SLC12A2: variants seen among roughly 807,000 people sequenced by gnomAD.
SLC12A2 encodes the protein Na-K-2Cl cotransporter 1.
A neutral mutation model predicts 136.3 loss-of-function variants in SLC12A2; 67 were observed. The observed-to-expected ratio is 0.49, with a 90% confidence interval of 0.40 to 0.60. The LOEUF is 0.60. SLC12A2 is among the 20% of genes least tolerant of loss of function. The pLI, the probability that SLC12A2 is intolerant of heterozygous loss-of-function variation, is 0.00. For missense variants in SLC12A2, 1,322 were observed against 1,534.7 expected (o/e 0.86, Z 2.32); for synonymous variants, 619 against 562.9 (o/e 1.10, Z -1.41).
chr5:128,109,236 G>T (rs1456162986), intron 1 of SLC12A2, among the ~76,000 whole-genome samples: 1 of 152,242 alleles, frequency 6.6e-6, no homozygotes, highest in Non-Finnish European at 1.5e-5. Context: ...AAGAGGAGCA[G>T]CGCAGTTCTT....
chr5:128,085,346 TAAAA>T (rs200675736), intron 1 of SLC12A2, among the ~76,000 whole-genome samples: 1 of 150,174 alleles, frequency 6.7e-6, no homozygotes, highest in Admixed American at 6.6e-5. Context: ...GGTGTATATT[TAAAA>T]AAAAAGGGAC....
At chr5:128,141,397 G>A (rs1030894889) in intron 9 of SLC12A2, among the ~76,000 whole-genome samples, 1 of 152,108 alleles carries the variant, frequency 6.6e-6, no homozygotes, top group Non-Finnish European at 1.5e-5. Flanking sequence ...CCTCACAGAA[G>A]AGTGGTATTA....
chr5:128,141,587 T>A (rs6860829), intron 9 of SLC12A2, among the ~76,000 whole-genome samples: 5,487 of 152,292 alleles, frequency 0.036, 353 homozygotes, highest in African/African-American at 0.13. Context: ...ACATGGTTTT[T>A]AAGTGTTTAT....
At chr5:128,142,460 A>G (rs1323884220) in intron 10 of SLC12A2, among the ~76,000 whole-genome samples, 1 of 152,124 alleles carries the variant, frequency 6.6e-6, no homozygotes. Flanking sequence ...CTAAAATATG[A>G]ATGGATAAAA....
intron 22 of SLC12A2, among the ~76,000 whole-genome samples, chr5:128,180,095 G>A (rs997595578): frequency 6.7e-6 from 1 of 149,742 alleles, no homozygotes; most frequent in Non-Finnish European, 1.5e-5. Flanking sequence ...TCAGCCTCCC[G>A]AGTAGCTGGG....
intron 1 of SLC12A2, among the ~76,000 whole-genome samples, chr5:128,099,782 C>A (rs1433809208): frequency 6.6e-6 from 1 of 152,126 alleles, no homozygotes; most frequent in African/African-American, 2.4e-5. Context: ...AAGATCATAT[C>A]ACTTTCACCC....
chr5:128,108,303 G>A (rs959407355), intron 1 of SLC12A2, among the ~76,000 whole-genome samples: 2 of 152,112 alleles, frequency 1.3e-5, no homozygotes, highest in Non-Finnish European at 2.9e-5. Context: ...TCCACTCATA[G>A]GTGTATCCTC....
intron 20 of SLC12A2, among the ~76,000 whole-genome samples, chr5:128,175,107 G>C (rs1476946578): frequency 6.6e-6 from 1 of 151,970 alleles, no homozygotes; most frequent in African/African-American, 2.4e-5. Context: ...TCCTACCTCT[G>C]TTCAGTCTAG....
intron 1 of SLC12A2, among the ~76,000 whole-genome samples, chr5:128,085,487 A>C (rs935438247): frequency 1.3e-5 from 2 of 152,186 alleles, no homozygotes; most frequent in African/African-American, 4.8e-5. Flanking sequence ...CATCCCCATA[A>C]ACTCATTGAT....
At chr5:128,114,420 T>G in intron 3 of SLC12A2, 133 bp downstream of exon 3, 1 of 823,108 alleles carries the variant, frequency 1.2e-6, no homozygotes, top group Non-Finnish European at 2.0e-6. Flanking sequence ...GTTATCTTGA[T>G]GTTCCTTTTT....
intron 1 of SLC12A2, among the ~76,000 whole-genome samples, chr5:128,093,848 A>G (rs1358679759): frequency 6.6e-6 from 1 of 152,078 alleles, no homozygotes; most frequent in Non-Finnish European, 1.5e-5. Context: ...TTGTGCCCAA[A>G]ACAAAACTGA....
At chr5:128,140,927 C>T (rs888295685) in intron 9 of SLC12A2, among the ~76,000 whole-genome samples, 2 of 150,128 alleles carry the variant, frequency 1.3e-5, no homozygotes, top group African/African-American at 2.5e-5. Flanking sequence ...AATATCCTCC[C>T]TTCTCATACT....
intron 15 of SLC12A2, among the ~76,000 whole-genome samples, chr5:128,154,911 G>A (rs144875770): frequency 4.6e-5 from 7 of 151,290 alleles, no homozygotes; most frequent in East Asian, 3.9e-4. Context: ...TAACCTTTGC[G>A]TAAAATTTTT....
At chr5:128,148,290 A>G (rs1419368130) in intron 11 of SLC12A2, among the ~76,000 whole-genome samples, 3 of 151,752 alleles carry the variant, frequency 2.0e-5, no homozygotes, top group African/African-American at 7.2e-5. Context: ...CTTGTTCTTA[A>G]TGCTGTATTT....
chr5:128,181,977 C>A (rs1763721233), intron 23 of SLC12A2, among the ~76,000 whole-genome samples: 1 of 146,076 alleles, frequency 6.8e-6, no homozygotes, highest in African/African-American at 2.5e-5. Context: ...TCTGGAATCA[C>A]AATATACTTT....
At chr5:128,174,438 A>G in intron 19 of SLC12A2, 103 bp from the exon 20 acceptor site, 1 of 838,740 alleles carries the variant, frequency 1.2e-6, no homozygotes, top group Non-Finnish European at 1.8e-6. Context: ...GCCATTTATA[A>G]TAAACTTATT....
chr5:128,105,934 A>T (rs1162726819), intron 1 of SLC12A2, among the ~76,000 whole-genome samples: 1 of 152,070 alleles, frequency 6.6e-6, no homozygotes, highest in African/African-American at 2.4e-5. Context: ...ATAGGACTCT[A>T]ATTGTCCCAT....
At chr5:128,103,150 G>C (rs990516014) in intron 1 of SLC12A2, among the ~76,000 whole-genome samples, 6 of 152,100 alleles carry the variant, frequency 3.9e-5, no homozygotes, top group South Asian at 4.1e-4. Flanking sequence ...TTTTCAACTT[G>C]AAAATAATGC....
chr5:128,083,889 G>GGTGTGGAGGGCGTGCTGCCGGAGAC lies in SLC12A2; in HGVS notation c.-63_-39dup. ...GCGGCTGTGGCCACCGCCGGCCAGG[G>GGTGTGGAGGGCGTGCTGCCGGAGAC]GTGTGGAGGGCGTGCTGCCGGAGAC... On this transcript the variant is annotated 5_prime_UTR_variant, in exon 1 of 27. Transcript: ENST00000262461. 1 of 1,148,858 alleles carries GGTGTGGAGGGCGTGCTGCCGGAGAC rather than the reference G, an allele frequency of 8.7e-7. No homozygotes were observed. The highest frequency in any genetic ancestry group is 1.1e-6 in the Non-Finnish European group (1 of 916,922). The allele number at this position is 1,148,858 out of a possible 1,614,324, so 71.2% of individuals were successfully genotyped here.
Sources: gnomAD v4.1 joint callset for allele counts (sites outside exome capture counted in the v4.1 genomes callset) on GRCh38, gnomAD v4.1.1 for gene constraint, MANE v1.5 for transcripts, NCBI Gene and HGNC (gene_info 2026-07-23, HGNC 2026-07-21) for gene names.